SUN1: variants seen among roughly 807,000 people sequenced by gnomAD.
SUN1 encodes SUN domain-containing protein 1.
A neutral mutation model predicts 103.2 loss-of-function variants in SUN1; 61 were observed. That is an observed-to-expected ratio of 0.59 (90% CI 0.48 to 0.73). SUN1 has a LOEUF of 0.73. SUN1 is among the 30% of genes least tolerant of loss of function. The probability of loss-of-function intolerance (pLI) is 0.00; values close to 1 mark genes in which losing one functional copy is unlikely to be tolerated. For synonymous variants in SUN1, 490 were observed against 425.7 expected, an observed-to-expected ratio of 1.15 and a Z score of -1.86; for missense variants, 1,052 against 1,034.6, an observed-to-expected ratio of 1.02 and a Z score of -0.23.
At chr7:872,155 C>G (rs1404379302) in intron 17 of SUN1, among the ~76,000 whole-genome samples, 1 of 152,230 alleles carries the variant, frequency 6.6e-6, no homozygotes, top group Non-Finnish European at 1.5e-5. Context: ...AGCAGCTGAG[C>G]ATGGTCTGTG....
In SUN1 at chr7:869,493, G is replaced by T; in HGVS notation, c.2125G>T (p.Ala709Ser). Residue 709 changes from alanine to serine, a missense_variant, in exon 17 of 19, where the codon GCC becomes TCC. Ala to Ser is a moderately conservative substitution (Grantham distance 99). Around this residue, in one of 2 missense-constraint regions of SUN1, gnomAD observed 206 missense variants for 260.1 expected, o/e 0.79. Transcript: ENST00000401592. ...GTCGCCAACAGGCAACATCAGCAGC[G>T]CCCCCAAGGACTTCGCCGTCTATGT... is the stretch of plus-strand genomic sequence containing the variant. The part of the protein sequence containing the change: ...TLSPTGNISS[A>S]PKDFAVYGLE... The T allele has an allele frequency of 6.2e-7, 1 of 1,613,612 alleles. No individual in the cohort carries two copies. The highest frequency in any genetic ancestry group is 8.5e-7 in the Non-Finnish European group (1 of 1,179,756).
chr7:853,474 T>C lies in SUN1; in HGVS notation c.1119T>C (p.Ser373=). The C allele has an allele frequency of 6.2e-7, 1 of 1,614,106 alleles. No homozygotes were observed. Among genetic ancestry groups the C allele is most frequent in the Non-Finnish European group, 8.5e-7 (1 of 1,180,044 alleles). ...TGGAGCAGCAGGTGGCCTCTCTGTCTGGACAGTGCCACCACCATGGTGAGA... is the reference window on the plus strand; with the variant it reads ...TGGAGCAGCAGGTGGCCTCTCTGTCCGGACAGTGCCACCACCATGGTGAGA... ...SGVEQQVASL[S]GQCHHHGENL... Residue 373 remains serine (S), a synonymous_variant, in exon 10 of 19, where the codon TCT becomes TCC. Transcript: ENST00000401592.
chr7:818,349 G>A (rs549897246), intron 1 of SUN1, among the ~76,000 whole-genome samples: 37 of 152,202 alleles, frequency 2.4e-4, no homozygotes, highest in Non-Finnish European at 4.1e-4. Context: ...GTTCACGCAT[G>A]TTGTAGACTG....
intron 17 of SUN1, among the ~76,000 whole-genome samples, chr7:871,267 G>A (rs1441169081): frequency 6.6e-6 from 1 of 152,070 alleles, no homozygotes; most frequent in East Asian, 1.9e-4. Context: ...TGGGATCTTA[G>A]TTTCCTTATG....
chr7:848,002 C>T (rs1174252088), intron 5 of SUN1, among the ~76,000 whole-genome samples: 1 of 149,340 alleles, frequency 6.7e-6, no homozygotes, highest in African/African-American at 2.5e-5. Context: ...GCAGTCCAGT[C>T]TCCGGGATCC....
intron 17 of SUN1, among the ~76,000 whole-genome samples, chr7:871,746 G>A (rs1841854010): frequency 6.6e-6 from 1 of 152,190 alleles, no homozygotes; most frequent in Non-Finnish European, 1.5e-5. Flanking sequence ...CTCACTCGCT[G>A]GAACTTCTTC....
chr7:852,421 G>A (rs1823080921), intron 7 of SUN1, 188 bp from the exon 8 acceptor site: 1 of 670,498 alleles, frequency 1.5e-6, no homozygotes, highest in South Asian at 1.9e-5. Context: ...TGGTAACGTA[G>A]GTCTCAAAGA....
intron 1 of SUN1, among the ~76,000 whole-genome samples, chr7:822,873 G>A (rs1787611443): frequency 6.6e-6 from 1 of 152,186 alleles, no homozygotes; most frequent in Admixed American, 6.5e-5. Context: ...CAGCCCTGTG[G>A]CCACCCGCGA....
At chr7:868,395 G>T in intron 16 of SUN1, 1 of 266,958 alleles carries the variant, frequency 3.7e-6, no homozygotes, top group East Asian at 1.3e-4. Flanking sequence ...ACCTTGCCAG[G>T]CTGTGCTTCT....
chr7:858,148 G>A (rs1157544393), intron 13 of SUN1, among the ~76,000 whole-genome samples, 191 bp downstream of exon 13: 2 of 152,158 alleles, frequency 1.3e-5, no homozygotes, highest in East Asian at 1.9e-4. Flanking sequence ...TCCACCTGCC[G>A]GGTTCAAGCG....
chr7:829,546 T>C (rs1412891462), upstream of SUN1, among the ~76,000 whole-genome samples: 5 of 114,530 alleles, frequency 4.4e-5, no homozygotes, highest in African/African-American at 1.3e-4. Flanking sequence ...GAAAAATAAC[T>C]GGTTTTTTTT....
In SUN1 at chr7:856,347, A is replaced by G; in HGVS notation, c.1351-11A>G. 1 of 1,613,862 alleles carries G rather than the reference A, an allele frequency of 6.2e-7. No individual in the cohort carries two copies. ...TATGTGTTTCAGTAGACTATTTCTC[A>G]TACTTTTTAGGCCATCCAGAAGGAA... On this transcript the variant is annotated splice_polypyrimidine_tract_variant and intron_variant, in intron 11 of 18. Coordinates refer to ENST00000401592, the MANE Select transcript of SUN1 (RefSeq NM_001130965.3).
intron 2 of SUN1, among the ~76,000 whole-genome samples, chr7:839,351 A>G (rs1243552707): frequency 6.6e-6 from 1 of 152,206 alleles, no homozygotes; most frequent in Non-Finnish European, 1.5e-5. Context: ...AATCTTACAG[A>G]TTACACATGC....
chr7:848,366 T>TA, intron 5 of SUN1: 1 of 1,313,730 alleles, frequency 7.6e-7, no homozygotes, highest in Non-Finnish European at 1.0e-6. Context: ...TATCAGGAAG[T>TA]AGATATTGGC....
intron 1 of SUN1, among the ~76,000 whole-genome samples, chr7:818,674 A>G (rs1783119803): frequency 6.6e-6 from 1 of 152,110 alleles, no homozygotes; most frequent in Admixed American, 6.5e-5. Flanking sequence ...AAGTGAGTTC[A>G]CTTTCTCCAC....
intron 1 of SUN1, chr7:816,830 C>T (rs1780908699): frequency 6.7e-6 from 1 of 148,912 alleles, no homozygotes; most frequent in Non-Finnish European, 1.5e-5. Flanking sequence ...CGGCTGCCGC[C>T]CCCGCCCGTC....
In SUN1 at chr7:860,283, G is replaced by T; in HGVS notation, c.1680G>T (p.Arg560=). The T allele has an allele frequency of 6.2e-7, 1 of 1,614,264 alleles. No homozygotes were observed. Among genetic ancestry groups the T allele is most frequent in the South Asian group, 1.1e-5 (1 of 91,088 alleles). The change falls in exon 14 of 19, where the codon CGG becomes CGT. Residue 560 remains arginine, a synonymous_variant. Coordinates refer to ENST00000401592, the MANE Select transcript of SUN1 (RefSeq NM_001130965.3). ...GAGACCTGCAGCTGCAGATCCTGCG[G>T]AACGTCACCCACCACGTTTCCGTGA... The part of the protein sequence containing the change: ...MLRDLQLQIL[R]NVTHHVSVTK...
chr7:852,930 C>T lies in SUN1; in HGVS notation c.1031C>T (p.Ser344Phe). 2 of 1,613,526 alleles carry T rather than the reference C, an allele frequency of 1.2e-6. No individual in the cohort carries two copies. Among genetic ancestry groups the T allele is most frequent in the Non-Finnish European group, 1.7e-6 (2 of 1,179,822 alleles). ...DPQDVFKPTTSRLKQPLQGDS... is the reference protein window; with the variant it reads ...DPQDVFKPTTFRLKQPLQGDS... ...CAGGACGTGTTTAAACCCACGACTT[C>T]TCGCCTGAAGCAGCCTCTGCAGGTA... Residue 344 changes from serine to phenylalanine, a missense_variant, in exon 9 of 19, where the codon TCT becomes TTT. Around this residue, in one of 2 missense-constraint regions of SUN1, gnomAD observed 846 missense variants for 774.5 expected, o/e 1.09. Coordinates refer to ENST00000401592, the MANE Select transcript of SUN1 (RefSeq NM_001130965.3).
intron 18 of SUN1, 95 bp downstream of exon 18, chr7:872,657 G>A (rs971198237): frequency 6.4e-6 from 6 of 943,112 alleles, no homozygotes; most frequent in South Asian, 2.9e-5. Flanking sequence ...GGAAAGCAGC[G>A]TGAGGACCAT....
Sources: gnomAD v4.1 joint callset for allele counts (sites outside exome capture counted in the v4.1 genomes callset) on GRCh38, gnomAD v4.1.1 for gene constraint, gnomAD v4.1.1 regional missense constraint, MANE v1.5 for transcripts, NCBI Gene and HGNC (gene_info 2026-07-23, HGNC 2026-07-21) for gene names.